SETD2: variants seen among roughly 807,000 people sequenced by gnomAD.
The protein encoded by SETD2 is SET domain containing 2, histone lysine methyltransferase, also known as histone-lysine N-methyltransferase SETD2.
SETD2 carries 31 observed loss-of-function variants against 242.1 expected under a neutral mutation model. That is an observed-to-expected ratio of 0.13 (90% CI 0.10 to 0.17). The LOEUF is 0.17. SETD2 is among the 10% of genes least tolerant of loss of function. SETD2 has a pLI of 1.00. For missense variants in SETD2, 2,481 were observed against 3,046.3 expected, an observed-to-expected ratio of 0.81 and a Z score of 4.37; for synonymous variants, 1,006 against 1,066.5, an observed-to-expected ratio of 0.94 and a Z score of 1.11.
rs2106728924 is a variant in SETD2 at position 47,124,483 on chromosome 3, A to G, written c.153T>C (p.Ser51=). The change falls in exon 3 of 21, where the codon TCT becomes TCC. Residue 51 remains serine, a synonymous_variant. Coordinates refer to ENST00000409792, the MANE Select transcript of SETD2 (RefSeq NM_014159.7). ...IKGPMFKGVA[S]SRFLPKGTKT... ...TGGTGCCTTTGGGCAAAAATCGACT[A>G]GAAGCAACACCTTTGAACATTGGTC... 4 of 1,551,810 alleles carry G rather than the reference A, an allele frequency of 2.6e-6. No individual in the cohort carries two copies. Among genetic ancestry groups the G allele is most frequent in the Non-Finnish European group, 3.5e-6 (4 of 1,146,998 alleles).
At chr3:47,109,143 T>C (rs962582378) in intron 5 of SETD2, among the ~76,000 whole-genome samples, 8 of 152,072 alleles carry the variant, frequency 5.3e-5, no homozygotes, top group Non-Finnish European at 1.2e-4. Context: ...ACTGCAAAGC[T>C]ATGGAAGGTT....
chr3:47,080,899 C>T (rs1478242997), intron 12 of SETD2: 1 of 986,874 alleles, frequency 1.0e-6, no homozygotes, highest in African/African-American at 1.7e-5. Context: ...AGTTAACCAC[C>T]TCTGTCCTCT....
intron 1 of SETD2, among the ~76,000 whole-genome samples, chr3:47,152,675 T>C (rs1369452398): frequency 6.6e-6 from 1 of 152,136 alleles, no homozygotes; most frequent in Non-Finnish European, 1.5e-5. Context: ...AAGCAAATAG[T>C]GTTGATTACG....
chr3:47,126,735 T>C (rs1222375345), intron 1 of SETD2, 72 bp from the exon 2 acceptor site: 15 of 893,538 alleles, frequency 1.7e-5, no homozygotes, highest in Non-Finnish European at 8.8e-6. Flanking sequence ...ACGATTGAAA[T>C]AATAGTTATT....
intron 13 of SETD2, among the ~76,000 whole-genome samples, chr3:47,066,627 G>A (rs1301256207): frequency 2.6e-5 from 4 of 152,068 alleles, no homozygotes; most frequent in Non-Finnish European, 4.4e-5. Flanking sequence ...AGGATTACAG[G>A]TGTGAGCCAC....
rs184652192 is a variant in SETD2, at chr3:47,150,285, G to A, written c.71+13569C>T. Among the ~76,000 whole-genome samples the A allele has an allele frequency of 2.2e-3, 336 of 152,056 alleles. 1 individual carries two copies. Among genetic ancestry groups the A allele is most frequent in the African/African-American group, 7.4e-3 (309 of 41,494 alleles). On this transcript the variant is annotated intron_variant, in intron 1 of 20. Transcript: ENST00000409792. The stretch of plus-strand genomic sequence containing the variant: ...GATCTCCTGACCTTGTGATTCGCCC[G>A]CCTCGGCCTCCCAAAGTGCTGGGAT...
At chr3:47,160,426 G>T (rs1188470962) in intron 1 of SETD2, among the ~76,000 whole-genome samples, 1 of 151,304 alleles carries the variant, frequency 6.6e-6, no homozygotes, top group African/African-American at 2.4e-5. Context: ...TCAGCCTCCC[G>T]AGTAGCTGGG....
intron 9 of SETD2, among the ~76,000 whole-genome samples, chr3:47,094,140 C>A (rs747218618): frequency 6.6e-6 from 1 of 152,116 alleles, no homozygotes; most frequent in Non-Finnish European, 1.5e-5. Flanking sequence ...TGATTTGTTT[C>A]AAAAACTCAA....
At chr3:47,020,837 C>T (rs553366347) in intron 18 of SETD2, among the ~76,000 whole-genome samples, 19 of 152,262 alleles carry the variant, frequency 1.2e-4, no homozygotes, top group African/African-American at 4.1e-4. Flanking sequence ...CTTCCATTTC[C>T]ATAAACAGTA....
chr3:47,086,098 A>G, intron 11 of SETD2, 97 bp downstream of exon 11: 2 of 1,321,106 alleles, frequency 1.5e-6, no homozygotes, highest in Non-Finnish European at 2.1e-6. Flanking sequence ...CCAATGATAC[A>G]GTGCTAAATT....
At chr3:47,080,711 G>T in intron 12 of SETD2, 1 of 769,056 alleles carries the variant, frequency 1.3e-6, no homozygotes, top group Non-Finnish European at 1.6e-6. Flanking sequence ...GATGTTTCTG[G>T]TTGAGGTCTA....
chr3:47,083,031 A>G (rs2041383731), intron 12 of SETD2, among the ~76,000 whole-genome samples: 1 of 152,200 alleles, frequency 6.6e-6, no homozygotes, highest in Admixed American at 6.5e-5. Context: ...AATGAAATGT[A>G]CCACACCTCT....
intron 5 of SETD2, among the ~76,000 whole-genome samples, chr3:47,107,786 C>T (rs1398150439): frequency 6.6e-6 from 1 of 151,056 alleles, no homozygotes; most frequent in Admixed American, 6.6e-5. Flanking sequence ...GCCTGAAAAA[C>T]ACAGGAAGAC....
chr3:47,140,454 TC>T (rs1183641146), intron 1 of SETD2, among the ~76,000 whole-genome samples: 1 of 152,230 alleles, frequency 6.6e-6, no homozygotes, highest in Non-Finnish European at 1.5e-5. Flanking sequence ...CCATTTGTTT[TC>T]CTCATTAGCA....
chr3:47,077,127 C>T (rs2041115397), intron 12 of SETD2, among the ~76,000 whole-genome samples: 1 of 152,172 alleles, frequency 6.6e-6, no homozygotes, highest in African/African-American at 2.4e-5. Context: ...CTGTGTCACC[C>T]AGGCTGGAGT....
intron 9 of SETD2, among the ~76,000 whole-genome samples, chr3:47,093,124 T>C (rs1037925650): frequency 2.0e-5 from 3 of 152,142 alleles, no homozygotes; most frequent in African/African-American, 7.2e-5. Context: ...GTTTGTTACA[T>C]AGGTATATAA....
chr3:47,059,108 C>CTTTTTTTTTT (rs111615859), intron 14 of SETD2, among the ~76,000 whole-genome samples: 1 of 104,552 alleles, frequency 9.6e-6, no homozygotes, highest in Non-Finnish European at 1.8e-5. Context: ...CACGCCTGGC[C>CTTTTTTTTTT]TTTTTTTTTT....
chr3:47,067,989 T>G (rs1487435379), intron 12 of SETD2, among the ~76,000 whole-genome samples: 1 of 152,208 alleles, frequency 6.6e-6, no homozygotes, highest in Non-Finnish European at 1.5e-5. Flanking sequence ...CTGAGAAATG[T>G]GAACTGTTTT....
intron 12 of SETD2, among the ~76,000 whole-genome samples, chr3:47,067,712 G>C (rs1054448277): frequency 2.0e-5 from 3 of 152,000 alleles, no homozygotes; most frequent in African/African-American, 7.2e-5. Flanking sequence ...GCCTGGCCAA[G>C]TATTCATAAT....
Sources: gnomAD v4.1 joint callset for allele counts (sites outside exome capture counted in the v4.1 genomes callset) on GRCh38, gnomAD v4.1.1 for gene constraint, MANE v1.5 for transcripts, NCBI Gene and HGNC (gene_info 2026-07-23, HGNC 2026-07-21) for gene names.